Variants in PPP2R3B observed in about 807,000 individuals in gnomAD.
The protein encoded by PPP2R3B is serine/threonine-protein phosphatase 2A regulatory subunit B'' subunit beta.
In PPP2R3B, 68 loss-of-function variants were observed where a neutral mutation model predicts 72.9. The observed-to-expected ratio is 0.93, with a 90% confidence interval of 0.77 to 1.14. The LOEUF (loss-of-function observed/expected upper bound fraction) is 1.14, where lower values mean the gene tolerates loss of function less well. Ranked by LOEUF, PPP2R3B falls within the 50% of genes most tolerant of loss-of-function variation. PPP2R3B has a pLI of 0.00. For synonymous variants in PPP2R3B, 466 were observed against 375.8 expected (o/e 1.24, Z -2.78); for missense variants, 1,018 against 842.0 (o/e 1.21, Z -2.59).
chrX:367,535 T>G (rs1184627489), intron 1 of PPP2R3B, among the ~76,000 whole-genome samples: 2 of 152,026 alleles, frequency 1.3e-5, no homozygotes, highest in African/African-American at 2.4e-5. Context: ...GGCGCTGGGA[T>G]CACAGGTGTG....
chrX:375,812 C>T (rs1175018642), intron 1 of PPP2R3B, among the ~76,000 whole-genome samples: 2 of 152,180 alleles, frequency 1.3e-5, no homozygotes, highest in Admixed American at 1.3e-4. Context: ...TGTCCTGCCA[C>T]GCCAGGTGAC....
At chrX:339,147 A>G (rs5989638) in intron 10 of PPP2R3B, among the ~76,000 whole-genome samples, 131,123 of 151,234 alleles carry the variant, frequency 0.87, 57,231 homozygotes, top group African/African-American at 0.97. Context: ...GACTGGGACT[A>G]GCGCAGGGAG....
chrX:373,023 G>T (rs2071900205), intron 1 of PPP2R3B, among the ~76,000 whole-genome samples: 1 of 152,150 alleles, frequency 6.6e-6, no homozygotes, highest in East Asian at 1.9e-4. Flanking sequence ...TATCTCAACC[G>T]ACTCTTAAGT....
intron 2 of PPP2R3B, among the ~76,000 whole-genome samples, chrX:350,415 T>C (rs1454768800): frequency 6.6e-6 from 1 of 152,188 alleles, no homozygotes; most frequent in Non-Finnish European, 1.5e-5. Context: ...CAGGGTCAGC[T>C]ACCGGCACGG....
Position 364,105 on chromosome X carries a change from C to T in PPP2R3B, c.325-2515G>A, listed in dbSNP as rs183559446. Among the ~76,000 whole-genome samples the T allele has an allele frequency of 8.3e-4, 126 of 152,342 alleles. 1 individual carries two copies. Among genetic ancestry groups the T allele is most frequent in the Admixed American group, 1.6e-3 (24 of 15,304 alleles). ...GAAGCGTGGGCCGAGCGGGCTCACC[C>T]GAAATCTCTCACAGCCTTGCAGAGC... On this transcript the variant is annotated intron_variant, in intron 1 of 12. Coordinates refer to ENST00000390665, the MANE Select transcript of PPP2R3B (RefSeq NM_013239.5).
intron 4 of PPP2R3B, 84 bp from the exon 5 acceptor site, chrX:346,859 C>T: frequency 7.7e-7 from 1 of 1,293,272 alleles, no homozygotes; most frequent in Non-Finnish European, 1.1e-6. Context: ...AGACGCGGAC[C>T]CTCCCGTGAG....
chrX:359,876 C>A (rs1465119380), intron 2 of PPP2R3B: 3 of 510,050 alleles, frequency 5.9e-6, no homozygotes, highest in Non-Finnish European at 1.2e-5. Context: ...AGGGACAGAA[C>A]CTGGACTTAC....
chrX:334,330 G>T lies in PPP2R3B; in HGVS notation c.*37C>A, dbSNP rs1430474198. 2 of 1,448,878 alleles carry T rather than the reference G, an allele frequency of 1.4e-6. No individual in the cohort carries two copies. Among genetic ancestry groups the T allele is most frequent in the Non-Finnish European group, 1.8e-6 (2 of 1,106,394 alleles). 89.8% of individuals were successfully genotyped at this position (1,448,878 alleles called of 1,614,324 possible). A position where few individuals can be genotyped will look rare whatever the true frequency, so the allele number is the denominator to read the frequency against. On this transcript the variant is annotated 3_prime_UTR_variant, in exon 13 of 13. Transcript: ENST00000390665. Reference sequence around the variant, plus strand: ...CCGCGGTGGCCCGGTGGTGGCACGTGGGGAGCGGCCCCGCGGCGGCGTTCT... The same window carrying T: ...CCGCGGTGGCCCGGTGGTGGCACGTTGGGAGCGGCCCCGCGGCGGCGTTCT...
intron 2 of PPP2R3B, among the ~76,000 whole-genome samples, chrX:357,903 C>A (rs1437803265): frequency 6.6e-6 from 1 of 152,160 alleles, no homozygotes; most frequent in Non-Finnish European, 1.5e-5. Flanking sequence ...CTCACACAGA[C>A]AGGAAGAACC....
At chrX:385,915 C>G (rs1209429678) in intron 1 of PPP2R3B, among the ~76,000 whole-genome samples, 1 of 152,092 alleles carries the variant, frequency 6.6e-6, no homozygotes. Context: ...AACCCAGTCT[C>G]TACTAAAAAT....
chrX:349,610 A>C (rs1168005920), intron 2 of PPP2R3B, among the ~76,000 whole-genome samples: 1 of 152,196 alleles, frequency 6.6e-6, no homozygotes, highest in Non-Finnish European at 1.5e-5. Flanking sequence ...TGTGTAGACA[A>C]TCCAAATGCT....
In PPP2R3B at chrX:334,601, C is replaced by T. The variant is rs756649291; in HGVS notation, c.1578-84G>A. 220 of 1,344,932 alleles carry T rather than the reference C, an allele frequency of 1.6e-4. 1 individual carries two copies. Among genetic ancestry groups the T allele is most frequent in the African/African-American group, 6.9e-4 (45 of 65,232 alleles). The allele number at this position is 1,344,932 out of a possible 1,614,324, so 83.3% of individuals were successfully genotyped here. ...TTCCGGGAAACACAGGCTGCTCGGC[C>T]GCCAACCTCCAGCACGAGACAGTCC... On this transcript the variant is annotated intron_variant, in intron 12 of 12. Coordinates refer to ENST00000390665, the MANE Select transcript of PPP2R3B (RefSeq NM_013239.5).
At chrX:334,610 C>G (rs766472356) in intron 12 of PPP2R3B, 93 bp from the exon 13 acceptor site, 5 of 1,332,198 alleles carry the variant, frequency 3.8e-6, no homozygotes, top group East Asian at 6.0e-5. Context: ...CCGCCAACCT[C>G]CAGCACGAGA....
At position 334,346 on chromosome X, in the gene PPP2R3B, G is replaced by C; in HGVS notation, c.*21C>G. On this transcript the variant is annotated 3_prime_UTR_variant, in exon 13 of 13. Transcript: ENST00000390665. Reference sequence around the variant, plus strand: ...GTGGCACGTGGGGAGCGGCCCCGCGGCGGCGTTCTCGCGGGCGGCGTCACA... The same window carrying C: ...GTGGCACGTGGGGAGCGGCCCCGCGCCGGCGTTCTCGCGGGCGGCGTCACA... The C allele has an allele frequency of 6.9e-7, 1 of 1,456,176 alleles. No homozygotes were observed. The highest frequency in any genetic ancestry group is 1.4e-5 in the South Asian group (1 of 73,446). The allele number at this position is 1,456,176 out of a possible 1,614,324, so 90.2% of individuals were successfully genotyped here.
intron 2 of PPP2R3B, among the ~76,000 whole-genome samples, chrX:360,302 G>A (rs2071514340): frequency 1.3e-5 from 2 of 152,222 alleles, no homozygotes; most frequent in Admixed American, 6.5e-5. Flanking sequence ...GGGAGGCCGA[G>A]GCAGGCGGAT....
Position 386,418 on chromosome X carries a change from T to C in PPP2R3B, c.274A>G (p.Arg92Gly), listed in dbSNP as rs746136952. The C allele has an allele frequency of 1.2e-5, 16 of 1,319,192 alleles. No homozygotes were observed. Among genetic ancestry groups the C allele is most frequent in the Non-Finnish European group, 1.6e-5 (16 of 1,029,206 alleles). The allele number at this position is 1,319,192 out of a possible 1,614,324, so 81.7% of individuals were successfully genotyped here. ...ALPLGAASSP[R>G]NAPHVRGTRR... is the part of the protein sequence containing the mutation. ...GTGCCTCGAACGTGGGGCGCGTTCC[T>C]GGGGCTGGAGGCGGCGCCCAGGGGC... The change falls in exon 1 of 13, where the codon AGG becomes GGG. Residue 92 changes from arginine (R) to glycine (G), a missense_variant. Coordinates refer to ENST00000390665, the MANE Select transcript of PPP2R3B (RefSeq NM_013239.5).
intron 2 of PPP2R3B, among the ~76,000 whole-genome samples, chrX:357,448 A>T (rs2071459912): frequency 6.6e-6 from 1 of 152,210 alleles, no homozygotes; most frequent in Non-Finnish European, 1.5e-5. Context: ...TCATGAGAGA[A>T]AGAACTGAAA....
intron 1 of PPP2R3B, among the ~76,000 whole-genome samples, chrX:369,394 C>T (rs2071805865): frequency 1.3e-5 from 2 of 152,226 alleles, no homozygotes; most frequent in Admixed American, 6.5e-5. Flanking sequence ...TCCCAACAAG[C>T]TATTTCTGTT....
chrX:372,116 C>T (rs997010080), intron 1 of PPP2R3B, among the ~76,000 whole-genome samples: 1 of 152,170 alleles, frequency 6.6e-6, no homozygotes, highest in Non-Finnish European at 1.5e-5. Context: ...CTGCGACCAG[C>T]GAGCCCGCAC....
Sources: gnomAD v4.1 joint callset for allele counts (sites outside exome capture counted in the v4.1 genomes callset) on GRCh38, gnomAD v4.1.1 for gene constraint, MANE v1.5 for transcripts, NCBI Gene and HGNC (gene_info 2026-07-23, HGNC 2026-07-21) for gene names.